The following COL25A1 variants were observed in gnomAD, a reference collection of about 807,000 sequenced individuals.
COL25A1 encodes the protein collagen type XXV alpha 1 chain, also known as collagen alpha-1(XXV) chain.
COL25A1 carries 103 observed loss-of-function variants against 128.4 expected under a neutral mutation model. The observed-to-expected ratio is 0.80, with a 90% CI of 0.68 to 0.94. COL25A1 has a LOEUF of 0.94. COL25A1 is among the 40% of genes least tolerant of loss of function. The pLI is 0.00. For synonymous variants in COL25A1, 279 were observed against 277.2 expected (o/e 1.01, Z -0.06); for missense variants, 745 against 840.0 (o/e 0.89, Z 1.40).
In COL25A1 at chr4:109,013,218, T is replaced by G. The variant is rs1579082207; in HGVS notation, c.421-2843A>C. Among the ~76,000 whole-genome samples the G allele has an allele frequency of 2.6e-5, 4 of 151,734 alleles. No individual in the cohort carries two copies. The South Asian group carries it at 6.2e-4, about 24-fold the overall frequency. ...CAGTGCTCTGTGTCTAGCTCAAGGT[T>G]TGTAAATGCACCAATCAGTGCTCTG... On this transcript the variant is annotated intron_variant, in intron 5 of 37. Coordinates refer to ENST00000399132, the MANE Select transcript of COL25A1 (RefSeq NM_198721.4).
At chr4:108,900,609 T>G (rs1742720095) in intron 14 of COL25A1, among the ~76,000 whole-genome samples, 2 of 152,306 alleles carry the variant, frequency 1.3e-5, no homozygotes, top group South Asian at 4.1e-4. Flanking sequence ...CATTACATTT[T>G]TTCCCTATTT....
intron 3 of COL25A1, among the ~76,000 whole-genome samples, chr4:109,168,920 T>C (rs1292620526): frequency 6.6e-5 from 10 of 152,144 alleles, no homozygotes; most frequent in Admixed American, 3.9e-4. Context: ...CAGCTTAGCA[T>C]TTCTCTGGGC....
At chr4:108,899,045 A>AT in intron 15 of COL25A1, 109 bp downstream of exon 15, 4 of 978,992 alleles carry the variant, frequency 4.1e-6, no homozygotes, top group South Asian at 1.6e-5. Flanking sequence ...CTACCCACCC[A>AT]CCCATCCATC....
intron 3 of COL25A1, among the ~76,000 whole-genome samples, chr4:109,276,957 G>A (rs1207996654): frequency 6.6e-6 from 1 of 152,096 alleles, no homozygotes; most frequent in Non-Finnish European, 1.5e-5. Context: ...CTTGTCCTTT[G>A]CAAGCTAAAT....
At chr4:108,819,676 G>T in intron 35 of COL25A1, 1 of 434,718 alleles carries the variant, frequency 2.3e-6, no homozygotes, top group Non-Finnish European at 3.9e-6. Context: ...ACTGATAAAT[G>T]TTTCTGGGTA....
chr4:109,114,541 T>C (rs370299156), intron 3 of COL25A1, among the ~76,000 whole-genome samples: 1 of 152,002 alleles, frequency 6.6e-6, no homozygotes. Context: ...GAATGTGCCA[T>C]GTAGGACCAG....
intron 8 of COL25A1, among the ~76,000 whole-genome samples, chr4:108,949,185 C>T (rs1431474232): frequency 6.6e-6 from 1 of 152,156 alleles, no homozygotes; most frequent in Non-Finnish European, 1.5e-5. Flanking sequence ...TTTATATACA[C>T]TCTGCTAGAA....
chr4:108,918,477 T>A (rs1267128347), intron 12 of COL25A1, among the ~76,000 whole-genome samples: 1 of 152,238 alleles, frequency 6.6e-6, no homozygotes, highest in Admixed American at 6.5e-5. Context: ...GATAAATTGG[T>A]CATACCTATC....
chr4:109,139,661 C>T (rs1770188491), intron 3 of COL25A1, among the ~76,000 whole-genome samples: 1 of 151,782 alleles, frequency 6.6e-6, no homozygotes, highest in Admixed American at 6.6e-5. Flanking sequence ...CTTCCCCCAC[C>T]TTTTATTAGT....
intron 10 of COL25A1, among the ~76,000 whole-genome samples, chr4:108,938,616 G>T (rs1747711529): frequency 6.6e-6 from 1 of 152,116 alleles, no homozygotes; most frequent in South Asian, 2.1e-4. Flanking sequence ...TTCCACTTTG[G>T]GAGGCCGAGG....
Position 109,237,836 on chromosome 4 carries a change from C to T in COL25A1, c.367+62747G>A, listed in dbSNP as rs150320241. 1.5e-4 allele frequency among the ~76,000 whole-genome samples: 23 copies of T among 152,042 alleles called. 1 individual carries two copies. The highest frequency in any genetic ancestry group is 5.5e-4 in the African/African-American group (23 of 41,498). ...AAACAATAACTGCCTGTTCTAGGCC[C>T]CCATTCCCAGCCCTTGGCAACCACT... On this transcript the variant is annotated intron_variant, in intron 3 of 37. Transcript: ENST00000399132.
chr4:108,832,303 A>G, intron 32 of COL25A1, 77 bp downstream of exon 32: 1 of 999,076 alleles, frequency 1.0e-6, no homozygotes. Context: ...CTGAAAAATG[A>G]ACAGTTAAAT....
chr4:108,926,774 G>A (rs370494094), intron 11 of COL25A1, among the ~76,000 whole-genome samples: 27 of 151,852 alleles, frequency 1.8e-4, no homozygotes, highest in African/African-American at 6.3e-4. Context: ...TTGGATGTTT[G>A]ATGTGGGAAG....
chr4:109,231,852 T>C (rs1473453606), intron 3 of COL25A1, among the ~76,000 whole-genome samples: 1 of 152,214 alleles, frequency 6.6e-6, no homozygotes, highest in Non-Finnish European at 1.5e-5. Context: ...TTTGTTTTTT[T>C]ATGTGCAGAA....
chr4:109,271,812 C>CACT (rs925871549), intron 3 of COL25A1, among the ~76,000 whole-genome samples: 1 of 152,160 alleles, frequency 6.6e-6, no homozygotes, highest in African/African-American at 2.4e-5. Flanking sequence ...TATAGTATCA[C>CACT]ACTAAACTTT....
Position 108,916,473 on chromosome 4 carries a change from TGTTTC to T in COL25A1, c.780+1694_780+1698del, listed in dbSNP as rs1744884881. On this transcript the variant is annotated intron_variant, in intron 13 of 37. Coordinates refer to ENST00000399132, the MANE Select transcript of COL25A1 (RefSeq NM_198721.4). The stretch of plus-strand genomic sequence containing the variant: ...GTATGTGACAGTTTTAAAGTTGTTT[TGTTTC>T]ATGTTAAAAGTTTCTATAAATTTTC... 5.3e-5 allele frequency among the ~76,000 whole-genome samples: 8 copies of T among 152,300 alleles called. No homozygotes were observed. The South Asian group carries it at 1.7e-3, about 32-fold the overall frequency.
At chr4:109,224,964 A>G (rs958512938) in intron 3 of COL25A1, among the ~76,000 whole-genome samples, 2 of 152,262 alleles carry the variant, frequency 1.3e-5, no homozygotes, top group Non-Finnish European at 2.9e-5. Context: ...ACATACATCT[A>G]TACAAGCATA....
At chr4:109,020,890 T>C (rs1354382869) in intron 5 of COL25A1, among the ~76,000 whole-genome samples, 2 of 152,256 alleles carry the variant, frequency 1.3e-5, no homozygotes, top group African/African-American at 4.8e-5. Context: ...GTTTATGTCT[T>C]TGTATATACA....
intron 3 of COL25A1, among the ~76,000 whole-genome samples, chr4:109,156,218 A>T (rs1389925394): frequency 6.6e-6 from 1 of 152,192 alleles, no homozygotes; most frequent in Non-Finnish European, 1.5e-5. Context: ...TGAAACAAAA[A>T]ACTAAAGGAA....
Sources: allele counts gnomAD v4.1 joint callset (sites outside exome capture counted in the v4.1 genomes callset), GRCh38; gene constraint gnomAD v4.1.1; transcripts MANE v1.5; gene names NCBI Gene and HGNC (gene_info 2026-07-23, HGNC 2026-07-21).